Variants in MARCHF1 observed in about 807,000 individuals in gnomAD.
MARCHF1 encodes membrane associated ring-CH-type finger 1.
MARCHF1 carries 40 observed loss-of-function variants against 54.2 expected under a neutral mutation model. The observed-to-expected ratio is 0.74, with a 90% CI of 0.57 to 0.96. MARCHF1 has a LOEUF of 0.96. Among genes scored for constraint, MARCHF1 ranks in the 40% least tolerant of loss-of-function variants. The pLI is 0.00. For missense variants in MARCHF1, 586 were observed against 656.5 expected, an observed-to-expected ratio of 0.89 and a Z score of 1.17; for synonymous variants, 236 against 236.3, an observed-to-expected ratio of 1.00 and a Z score of 0.01.
intron 1 of MARCHF1, among the ~76,000 whole-genome samples, chr4:164,175,673 C>T (rs1730644390): frequency 6.6e-6 from 1 of 152,164 alleles, no homozygotes; most frequent in South Asian, 2.1e-4. Flanking sequence ...GGAGAAAAGA[C>T]TGAGGTCCCT....
chr4:163,738,281 G>A (rs988499612), intron 4 of MARCHF1, among the ~76,000 whole-genome samples: 3 of 152,178 alleles, frequency 2.0e-5, no homozygotes, highest in African/African-American at 4.8e-5. Context: ...TATGGTGGAA[G>A]TTTCCACCAA....
chr4:163,877,461 G>GTTTTTTTTT (rs71600643), intron 3 of MARCHF1, among the ~76,000 whole-genome samples: 1 of 137,694 alleles, frequency 7.3e-6, no homozygotes, highest in Non-Finnish European at 1.6e-5. Flanking sequence ...TGTGGGCACT[G>GTTTTTTTTT]TTTTTTTTTT....
At chr4:163,706,754 T>C (rs1428155831) in intron 4 of MARCHF1, among the ~76,000 whole-genome samples, 1 of 151,856 alleles carries the variant, frequency 6.6e-6, no homozygotes, top group East Asian at 1.9e-4. Context: ...GTAGATAAAA[T>C]GATCTTAAAA....
chr4:164,110,159 G>C (rs182095532), intron 2 of MARCHF1, among the ~76,000 whole-genome samples: 3,654 of 139,954 alleles, frequency 0.026, 125 homozygotes, highest in African/African-American at 0.096. Flanking sequence ...CACACACACA[G>C]GTAGCTAAAT....
chr4:163,585,323 A>G (rs932565596), intron 8 of MARCHF1: 1 of 152,546 alleles, frequency 6.6e-6, no homozygotes, highest in Non-Finnish European at 1.5e-5. Context: ...TACCTAATAA[A>G]TAACTTGTAA....
At chr4:163,700,366 A>G (rs1744769422) in intron 5 of MARCHF1, among the ~76,000 whole-genome samples, 1 of 151,896 alleles carries the variant, frequency 6.6e-6, no homozygotes, top group East Asian at 1.9e-4. Context: ...TTAGCTGGGC[A>G]TGGTGGTGGG....
At chr4:163,669,209 G>T (rs1743644402) in intron 5 of MARCHF1, among the ~76,000 whole-genome samples, 1 of 152,046 alleles carries the variant, frequency 6.6e-6, no homozygotes. Context: ...TGGTTTTATT[G>T]TCTTGTCTCA....
chr4:163,870,979 A>C (rs1750156530), intron 3 of MARCHF1, among the ~76,000 whole-genome samples: 1 of 152,208 alleles, frequency 6.6e-6, no homozygotes, highest in African/African-American at 2.4e-5. Flanking sequence ...AGCTATAAAG[A>C]ACAAATTTTG....
intron 2 of MARCHF1, among the ~76,000 whole-genome samples, chr4:164,009,276 T>A (rs1157869100): frequency 1.3e-5 from 2 of 151,970 alleles, no homozygotes; most frequent in African/African-American, 4.8e-5. Context: ...AAAAAATCAA[T>A]TAAGAAATAA....
At chr4:164,089,132 A>T (rs1223880174) in intron 2 of MARCHF1, among the ~76,000 whole-genome samples, 1 of 152,166 alleles carries the variant, frequency 6.6e-6, no homozygotes. Context: ...CTTTACTTGT[A>T]AAAGGCAAAT....
chr4:164,080,998 G>A (rs1279038828), intron 2 of MARCHF1, among the ~76,000 whole-genome samples: 2 of 150,328 alleles, frequency 1.3e-5, no homozygotes, highest in Non-Finnish European at 3.0e-5. Flanking sequence ...CATGAGGTCA[G>A]GAGATCGAGA....
intron 3 of MARCHF1, among the ~76,000 whole-genome samples, chr4:163,888,745 T>G (rs1750592702): frequency 6.6e-6 from 1 of 152,124 alleles, no homozygotes; most frequent in South Asian, 2.1e-4. Context: ...CAGTTGGAAA[T>G]TTATCAAGAC....
At chr4:164,191,171 G>A (rs986829873) in intron 1 of MARCHF1, among the ~76,000 whole-genome samples, 7 of 152,104 alleles carry the variant, frequency 4.6e-5, no homozygotes, top group African/African-American at 1.2e-4. Flanking sequence ...TGGATTGAAC[G>A]TCGATGCAAA....
chr4:164,232,829 C>A (rs545552115), intron 1 of MARCHF1, among the ~76,000 whole-genome samples: 1 of 152,102 alleles, frequency 6.6e-6, no homozygotes, highest in Non-Finnish European at 1.5e-5. Flanking sequence ...GTGTAAGATG[C>A]AATAGTAGTT....
At chr4:163,855,290 G>A (rs1749741443) in intron 3 of MARCHF1, among the ~76,000 whole-genome samples, 1 of 152,122 alleles carries the variant, frequency 6.6e-6, no homozygotes, top group Non-Finnish European at 1.5e-5. Flanking sequence ...AATCTAATAT[G>A]AGTGACTCAT....
rs184750115 is a variant in MARCHF1 at position 164,098,075 on chromosome 4, G to C, written c.-248+13513C>G. Among the ~76,000 whole-genome samples the C allele has an allele frequency of 7.2e-5, 11 of 152,216 alleles. No homozygotes were observed. The East Asian group carries it at 2.1e-3, about 29-fold the overall frequency. ...ATTAAGGTAGAAAGCAGTGATAAGT[G>C]AGAGCTGACATGAGTTACAACCCAT... is the stretch of plus-strand genomic sequence containing the variant. On this transcript the variant is annotated intron_variant, in intron 2 of 9. Coordinates refer to ENST00000514618, the MANE Select transcript of MARCHF1 (RefSeq NM_001394959.1).
intron 1 of MARCHF1, among the ~76,000 whole-genome samples, chr4:164,208,294 A>G (rs927969686): frequency 2.0e-5 from 3 of 152,198 alleles, no homozygotes; most frequent in African/African-American, 7.2e-5. Flanking sequence ...CAGAATTTAA[A>G]TTGCATCTAG....
chr4:164,136,314 G>C (rs1169545115), intron 1 of MARCHF1, among the ~76,000 whole-genome samples: 1 of 151,042 alleles, frequency 6.6e-6, no homozygotes, highest in Non-Finnish European at 1.5e-5. Context: ...CATTGAAGAG[G>C]TAAGAAAAAC....
At chr4:163,557,231 A>G (rs900917339) in intron 8 of MARCHF1, among the ~76,000 whole-genome samples, 2 of 152,176 alleles carry the variant, frequency 1.3e-5, no homozygotes, top group African/African-American at 4.8e-5. Flanking sequence ...TGAAATCCCA[A>G]ATGTTGATTC....
Sources: gnomAD v4.1 joint callset for allele counts (sites outside exome capture counted in the v4.1 genomes callset) on GRCh38, gnomAD v4.1.1 for gene constraint, MANE v1.5 for transcripts, NCBI Gene and HGNC (gene_info 2026-07-23, HGNC 2026-07-21) for gene names.